The following TTC6 variants were observed in gnomAD, a reference collection of about 807,000 sequenced individuals.
TTC6 encodes the protein tetratricopeptide repeat domain 6, also known as tetratricopeptide repeat protein 6.
TTC6 carries 172 observed loss-of-function variants against 210.4 expected under a neutral mutation model. That is an observed-to-expected ratio of 0.82 (90% CI 0.72 to 0.93). TTC6 has a LOEUF of 0.93. Among genes scored for constraint, TTC6 ranks in the 40% least tolerant of loss-of-function variants. TTC6 has a pLI of 0.00. For synonymous variants in TTC6, 804 were observed against 819.6 expected, an observed-to-expected ratio of 0.98 and a Z score of 0.32; for missense variants, 2,414 against 2,318.1, an observed-to-expected ratio of 1.04 and a Z score of -0.85.
intron 2 of TTC6, among the ~76,000 whole-genome samples, chr14:37,611,636 G>A (rs1273603733): frequency 2.0e-5 from 3 of 152,090 alleles, no homozygotes; most frequent in Admixed American, 1.3e-4. Flanking sequence ...GACGCCCCAC[G>A]GGGCTGTGGG....
At chr14:37,625,097 T>G (rs2095658000) in intron 1 of TTC6, among the ~76,000 whole-genome samples, 1 of 152,120 alleles carries the variant, frequency 6.6e-6, no homozygotes, top group South Asian at 2.1e-4. Flanking sequence ...GTTCTTGGCT[T>G]TTAAAATTTT....
intron 14 of TTC6, among the ~76,000 whole-genome samples, chr14:37,782,025 T>C (rs1043388564): frequency 2.6e-5 from 4 of 152,192 alleles, no homozygotes; most frequent in South Asian, 4.1e-4. Flanking sequence ...TTTTGGTTAC[T>C]GTAGCCTTGT....
At chr14:37,670,396 A>C (rs1033780116) in intron 1 of TTC6, among the ~76,000 whole-genome samples, 2 of 151,326 alleles carry the variant, frequency 1.3e-5, no homozygotes, top group Non-Finnish European at 2.9e-5. Flanking sequence ...AAAGGAGGGC[A>C]TATTAACTAT....
chr14:37,714,310 T>A (rs2095849049), intron 5 of TTC6, among the ~76,000 whole-genome samples: 1 of 151,994 alleles, frequency 6.6e-6, no homozygotes, highest in Non-Finnish European at 1.5e-5. Flanking sequence ...AAACTTTGTG[T>A]GTATGTGTGA....
chr14:37,809,753 C>T (rs900388759), intron 24 of TTC6, among the ~76,000 whole-genome samples: 1 of 152,110 alleles, frequency 6.6e-6, no homozygotes, highest in Non-Finnish European at 1.5e-5. Flanking sequence ...CAGCATCTAC[C>T]TGTGCAAACT....
chr14:37,688,929 A>G (rs1265129434), intron 3 of TTC6, among the ~76,000 whole-genome samples: 1 of 152,174 alleles, frequency 6.6e-6, no homozygotes. Context: ...AAGTATCACA[A>G]TGATCCAGGA....
At chr14:37,722,294 T>G (rs1440090154) in intron 6 of TTC6, among the ~76,000 whole-genome samples, 3 of 152,142 alleles carry the variant, frequency 2.0e-5, no homozygotes, top group African/African-American at 7.2e-5. Flanking sequence ...CCCCTGTTGC[T>G]TCTAATATTT....
At chr14:37,633,731 C>T (rs1423067390) in intron 1 of TTC6, among the ~76,000 whole-genome samples, 1 of 152,206 alleles carries the variant, frequency 6.6e-6, no homozygotes, top group Admixed American at 6.5e-5. Flanking sequence ...AGAGGCCACT[C>T]GCTCCCTCTT....
At chr14:37,743,101 G>A (rs1362158908) in intron 10 of TTC6, among the ~76,000 whole-genome samples, 2 of 152,088 alleles carry the variant, frequency 1.3e-5, no homozygotes, top group African/African-American at 4.8e-5. Flanking sequence ...CAACCCAAAG[G>A]CTTGACTTTC....
At chr14:37,744,823 G>A (rs1247862559) in intron 10 of TTC6, among the ~76,000 whole-genome samples, 1 of 152,138 alleles carries the variant, frequency 6.6e-6, no homozygotes, top group Non-Finnish European at 1.5e-5. Context: ...GTTACTTGTG[G>A]AAAATAGATT....
At chr14:37,631,121 A>G (rs1216738977) in intron 1 of TTC6, among the ~76,000 whole-genome samples, 1 of 151,438 alleles carries the variant, frequency 6.6e-6, no homozygotes, top group Admixed American at 6.6e-5. Context: ...TTTAAGGTTA[A>G]TATTGTTATG....
chr14:37,637,008 A>C (rs909792973), intron 1 of TTC6, among the ~76,000 whole-genome samples: 5 of 152,174 alleles, frequency 3.3e-5, no homozygotes, highest in African/African-American at 1.2e-4. Flanking sequence ...GATATGCCCA[A>C]TTGATTTGAC....
At chr14:37,608,707 T>C (rs1419055808) in intron 2 of TTC6, among the ~76,000 whole-genome samples, 2 of 152,210 alleles carry the variant, frequency 1.3e-5, no homozygotes, top group Non-Finnish European at 2.9e-5. Context: ...TTCCCAAGTA[T>C]ATAAACCTTT....
intron 24 of TTC6, among the ~76,000 whole-genome samples, chr14:37,811,536 T>C (rs2096129593): frequency 6.6e-6 from 1 of 152,174 alleles, no homozygotes; most frequent in Non-Finnish European, 1.5e-5. Context: ...TATGGCTCTT[T>C]TGGACAGAAT....
intron 2 of TTC6, 73 bp downstream of exon 4, chr14:37,680,334 T>C (rs1284380961): frequency 4.1e-6 from 4 of 980,848 alleles, no homozygotes; most frequent in Non-Finnish European, 5.9e-6. Context: ...TGAATGTTTA[T>C]ATAGAGAGTT....
intron 1 of TTC6, among the ~76,000 whole-genome samples, chr14:37,672,753 A>AT (rs1261464782): frequency 1.3e-5 from 2 of 149,964 alleles, no homozygotes; most frequent in African/African-American, 2.5e-5. Context: ...TTCTGGAAAC[A>AT]TTTTTTTCTG....
At chr14:37,622,384 C>G in exon 1 of TTC6, 1 of 1,531,076 alleles carries the variant, frequency 6.5e-7, no homozygotes, top group Non-Finnish European at 8.7e-7. Flanking sequence ...GGTGAGGCGG[C>G]GGCTCCAGGC....
intron 25 of TTC6, among the ~76,000 whole-genome samples, chr14:37,812,751 T>A (rs1700397301): frequency 1.3e-5 from 2 of 152,218 alleles, no homozygotes; most frequent in Admixed American, 6.5e-5. Flanking sequence ...TGTACTCTGC[T>A]GTTTAGTGGT....
At chr14:37,635,981 C>CAAAAAAAAAAAAAAAAA (rs71433909) in intron 1 of TTC6, among the ~76,000 whole-genome samples, 5 of 70,350 alleles carry the variant, frequency 7.1e-5, no homozygotes, top group Admixed American at 3.4e-4. Context: ...ATTCCATTTC[C>CAAAAAAAAAAAAAAAAA]AAAAAAAAAA....
Sources: allele counts gnomAD v4.1 joint callset (sites outside exome capture counted in the v4.1 genomes callset), GRCh38; gene constraint gnomAD v4.1.1; transcripts MANE v1.5; gene names NCBI Gene and HGNC (gene_info 2026-07-23, HGNC 2026-07-21).